Variants in IFI27L1 observed in about 807,000 individuals in gnomAD.
IFI27L1 encodes interferon alpha-inducible protein 27-like protein 1.
A neutral mutation model predicts 9.2 loss-of-function variants in IFI27L1; 3 were observed. The ratio of observed to expected loss-of-function variants is 0.32; its 90% confidence interval spans 0.15 to 0.84. IFI27L1 has a LOEUF of 0.84. Among genes scored for constraint, IFI27L1 ranks in the 40% least tolerant of loss-of-function variants. The pLI is 0.56. For missense variants in IFI27L1, 133 were observed against 134.2 expected, an observed-to-expected ratio of 0.99 and a Z score of 0.05; for synonymous variants, 53 against 50.0, an observed-to-expected ratio of 1.06 and a Z score of -0.26.
chr14:94,094,302 T>C (rs1886589620), intron 1 of IFI27L1, among the ~76,000 whole-genome samples: 1 of 152,144 alleles, frequency 6.6e-6, no homozygotes, highest in Admixed American at 6.5e-5. Flanking sequence ...ATGTACAGGA[T>C]CATGGGACAT....
intron 1 of IFI27L1, among the ~76,000 whole-genome samples, chr14:94,088,054 C>G (rs1192132317): frequency 6.6e-6 from 1 of 152,176 alleles, no homozygotes; most frequent in Non-Finnish European, 1.5e-5. Flanking sequence ...GTTTCACGCT[C>G]TGCTGTGAAC....
At chr14:94,089,270 G>C (rs1450783064) in intron 1 of IFI27L1, 1 of 152,212 alleles carries the variant, frequency 6.6e-6, no homozygotes, top group East Asian at 1.9e-4. Flanking sequence ...TGAGCTGCTT[G>C]AATGATAATA....
intron 2 of IFI27L1, chr14:94,100,451 C>T (rs769306635): frequency 4.7e-4 from 465 of 985,156 alleles, no homozygotes; most frequent in Non-Finnish European, 5.3e-4. Context: ...ACTCAGGAGG[C>T]CCAGGCATGC....
At chr14:94,093,849 A>G (rs574698958) in intron 1 of IFI27L1, among the ~76,000 whole-genome samples, 2 of 152,328 alleles carry the variant, frequency 1.3e-5, no homozygotes, top group South Asian at 4.1e-4. Flanking sequence ...GTCAGTGCTC[A>G]GGAGCTTGGT....
intron 1 of IFI27L1, among the ~76,000 whole-genome samples, chr14:94,087,924 G>C (rs973994034): frequency 2.0e-5 from 3 of 152,116 alleles, no homozygotes; most frequent in Admixed American, 2.0e-4. Flanking sequence ...TAAAGTATGG[G>C]TTAGAACACG....
At chr14:94,091,827 T>C (rs1886486323) in intron 1 of IFI27L1, among the ~76,000 whole-genome samples, 1 of 152,092 alleles carries the variant, frequency 6.6e-6, no homozygotes, top group East Asian at 1.9e-4. Flanking sequence ...TTTTTTTTAA[T>C]ATAACATGAA....
At chr14:94,088,123 C>T (rs1162552575) in intron 1 of IFI27L1, 1 of 630,696 alleles carries the variant, frequency 1.6e-6, no homozygotes, top group Non-Finnish European at 2.9e-6. Context: ...GCCAGTTCTG[C>T]AAATGACCTG....
At chr14:94,098,413 C>T (rs1886756555) in intron 2 of IFI27L1, among the ~76,000 whole-genome samples, 1 of 152,184 alleles carries the variant, frequency 6.6e-6, no homozygotes, top group African/African-American at 2.4e-5. Context: ...TTCTTTTTCC[C>T]TTACAAGGAC....
chr14:94,084,231 G>A (rs1886205352), intron 1 of IFI27L1, among the ~76,000 whole-genome samples: 1 of 152,232 alleles, frequency 6.6e-6, no homozygotes. Context: ...ACTGGGTGCA[G>A]TGGCTCACAC....
intron 3 of IFI27L1, chr14:94,101,061 C>T: frequency 1.7e-6 from 1 of 576,272 alleles, no homozygotes; most frequent in South Asian, 2.2e-5. Context: ...GGATTCCTCC[C>T]CGTCTAAAGC....
At chr14:94,086,177 G>T (rs117472548) in intron 1 of IFI27L1, among the ~76,000 whole-genome samples, 1 of 152,104 alleles carries the variant, frequency 6.6e-6, no homozygotes. Flanking sequence ...GTTTAAAAGT[G>T]TGTGGCGCCT....
At chr14:94,082,949 G>A (rs192006733) in intron 1 of IFI27L1, among the ~76,000 whole-genome samples, 2 of 152,178 alleles carry the variant, frequency 1.3e-5, no homozygotes, top group African/African-American at 4.8e-5. Flanking sequence ...GATACATTTC[G>A]TAAGGCTATG....
chr14:94,088,035 C>T (rs1213563907), intron 1 of IFI27L1, among the ~76,000 whole-genome samples: 1 of 152,186 alleles, frequency 6.6e-6, no homozygotes, highest in Non-Finnish European at 1.5e-5. Flanking sequence ...GATGTAGTCA[C>T]TCAGCTCTGT....
chr14:94,095,724 T>G (rs1886643413), intron 1 of IFI27L1, among the ~76,000 whole-genome samples: 2 of 152,122 alleles, frequency 1.3e-5, no homozygotes, highest in South Asian at 4.1e-4. Flanking sequence ...ATTTGTTCAT[T>G]ACCATGGGGA....
At chr14:94,084,572 C>A (rs960192375) in intron 1 of IFI27L1, among the ~76,000 whole-genome samples, 5 of 152,092 alleles carry the variant, frequency 3.3e-5, no homozygotes, top group Non-Finnish European at 7.4e-5. Context: ...GAGCCCTGAA[C>A]AAAGAGTCAA....
chr14:94,083,495 A>T (rs986048648), intron 1 of IFI27L1, among the ~76,000 whole-genome samples: 1 of 152,256 alleles, frequency 6.6e-6, no homozygotes, highest in African/African-American at 2.4e-5. Flanking sequence ...GAAATCTTTC[A>T]TGAAAGGAAG....
At chr14:94,097,680 T>C (rs1447547636) in intron 2 of IFI27L1, 2 of 702,080 alleles carry the variant, frequency 2.8e-6, no homozygotes, top group Admixed American at 2.0e-5. Flanking sequence ...TTTCTGAAGG[T>C]GAATAAGCAT....
intron 3 of IFI27L1, 58 bp downstream of exon 3, chr14:94,100,829 G>A: frequency 6.3e-7 from 1 of 1,591,044 alleles, no homozygotes; most frequent in Non-Finnish European, 8.6e-7. Flanking sequence ...CCAGCCCTGA[G>A]CCTCTGGGAG....
At chr14:94,100,082 C>T (rs947467541) in intron 2 of IFI27L1, 2 of 170,186 alleles carry the variant, frequency 1.2e-5, no homozygotes, top group Non-Finnish European at 2.4e-5. Context: ...GCATAGAGTC[C>T]AAGATCTTTG....
Sources: gnomAD v4.1 joint callset for allele counts (sites outside exome capture counted in the v4.1 genomes callset) on GRCh38, gnomAD v4.1.1 for gene constraint, MANE v1.5 for transcripts, NCBI Gene and HGNC (gene_info 2026-07-23, HGNC 2026-07-21) for gene names.